The following IARS1 variants were observed in gnomAD, a reference collection of about 807,000 sequenced individuals.
IARS1 encodes the protein isoleucine--tRNA ligase, cytoplasmic.
A neutral mutation model predicts 168.2 loss-of-function variants in IARS1; 124 were observed. That is an observed-to-expected ratio of 0.74 (90% CI 0.64 to 0.86). IARS1 has a LOEUF of 0.86. IARS1 is among the 40% of genes least tolerant of loss of function. The pLI is 0.00. For missense variants in IARS1, 1,452 were observed against 1,515.8 expected (o/e 0.96, Z 0.70); for synonymous variants, 532 against 529.4 (o/e 1.00, Z -0.07).
intron 31 of IARS1, among the ~76,000 whole-genome samples, chr9:92,226,729 G>T (rs1308739115): frequency 6.6e-6 from 1 of 151,794 alleles, no homozygotes; most frequent in Admixed American, 6.6e-5. Context: ...GCTTGCAGCT[G>T]TGTGTAACTC....
Position 92,285,755 on chromosome 9 carries a change from T to C in IARS1, c.564A>G (p.Pro188=). The C allele has an allele frequency of 1.2e-6, 2 of 1,611,572 alleles. No individual in the cohort carries two copies. Among genetic ancestry groups the C allele is most frequent in the Non-Finnish European group, 1.7e-6 (2 of 1,177,710 alleles). ...VMPFSTACNT[P]LSNFESHQNY... ...TCTGGTGTGACTCGAAGTTGGAAAG[T>C]GGAGTGTTACATGCCGTAGAGAAGG... Residue 188 remains proline (P), a synonymous_variant, in exon 6 of 34, where the codon CCA becomes CCG. Transcript: ENST00000443024.
At chr9:92,244,833 C>T in intron 27 of IARS1, 126 bp downstream of exon 27, 4 of 676,384 alleles carry the variant, frequency 5.9e-6, no homozygotes, top group Middle Eastern at 4.0e-4. Context: ...CAATCTAAAC[C>T]AAGTAACTGG....
chr9:92,211,202 T>G (rs1837690481), intron 33 of IARS1, among the ~76,000 whole-genome samples: 1 of 152,144 alleles, frequency 6.6e-6, no homozygotes, highest in Non-Finnish European at 1.5e-5. Flanking sequence ...GTATATCAGT[T>G]GAGAAAGACA....
chr9:92,245,646 C>G (rs957872446), intron 26 of IARS1, among the ~76,000 whole-genome samples: 6 of 152,096 alleles, frequency 3.9e-5, no homozygotes, highest in African/African-American at 4.8e-5. Context: ...GCTCTGAGCA[C>G]CCGGGTGTCA....
At chr9:92,256,966 G>A (rs1419511880) in intron 19 of IARS1, among the ~76,000 whole-genome samples, 166 bp from the exon 20 acceptor site, 5 of 152,190 alleles carry the variant, frequency 3.3e-5, no homozygotes, top group East Asian at 1.9e-4. Flanking sequence ...AAGCACCAAC[G>A]TGGCACATTA....
chr9:92,277,318 G>A (rs1297726635), intron 9 of IARS1, among the ~76,000 whole-genome samples: 4 of 152,094 alleles, frequency 2.6e-5, no homozygotes, highest in South Asian at 2.1e-4. Context: ...CCAGCTGCTC[G>A]GGAGGCTGAG....
intron 20 of IARS1, chr9:92,253,809 T>C: frequency 2.0e-6 from 1 of 495,090 alleles, no homozygotes; most frequent in South Asian, 1.5e-5. Flanking sequence ...TTTGACAGCA[T>C]CAACAATGCC....
intron 31 of IARS1, among the ~76,000 whole-genome samples, chr9:92,228,679 A>T (rs1399553056): frequency 6.6e-6 from 1 of 152,164 alleles, no homozygotes; most frequent in East Asian, 1.9e-4. Context: ...GCATCACTGT[A>T]CTCCAGCATG....
intron 2 of IARS1, among the ~76,000 whole-genome samples, chr9:92,288,729 G>A (rs117400011): frequency 2.9e-3 from 437 of 152,208 alleles, no homozygotes; most frequent in Non-Finnish European, 3.9e-3. Context: ...AACGAGGGTG[G>A]TGATGAAAAT....
chr9:92,247,276 C>CAGGAA, intron 26 of IARS1, 101 bp downstream of exon 26: 2 of 1,059,998 alleles, frequency 1.9e-6, no homozygotes, highest in Admixed American at 2.2e-5. Context: ...CACGACAGGA[C>CAGGAA]AGGAAAGGAA....
At chr9:92,286,673 T>A in intron 4 of IARS1, 55 bp from the exon 5 acceptor site, 1 of 958,540 alleles carries the variant, frequency 1.0e-6, no homozygotes, top group Non-Finnish European at 1.6e-6. Flanking sequence ...TAATTGTACA[T>A]CAATGTGTGT....
At chr9:92,269,407 A>G (rs1487239096) in intron 13 of IARS1, among the ~76,000 whole-genome samples, 2 of 152,236 alleles carry the variant, frequency 1.3e-5, no homozygotes, top group African/African-American at 2.4e-5. Flanking sequence ...TGCAGGACAC[A>G]TATCAGCTAT....
chr9:92,280,762 T>C lies in IARS1; in HGVS notation c.729A>G (p.Gln243=), dbSNP rs1834429303. ...NLAVCVNPEM[Q]YVKIKDVARG... ...CCCACTTACCTTTAATTTTCACATA[T>C]TGCATTTCTGGATTAACACACACAG... Residue 243 remains glutamine, a synonymous_variant, in exon 7 of 34, where the codon CAA becomes CAG. Coordinates refer to ENST00000443024, the MANE Select transcript of IARS1 (RefSeq NM_002161.6). The C allele has an allele frequency of 6.2e-7, 1 of 1,609,224 alleles. No homozygotes were observed.
intron 33 of IARS1, among the ~76,000 whole-genome samples, chr9:92,211,336 C>T (rs150825227): frequency 1.3e-3 from 199 of 150,728 alleles, no homozygotes; most frequent in Admixed American, 4.6e-3. Flanking sequence ...GAAACATTAT[C>T]CATGACTCCA....
At chr9:92,281,751 C>T (rs1433058624) in intron 6 of IARS1, among the ~76,000 whole-genome samples, 1 of 151,746 alleles carries the variant, frequency 6.6e-6, no homozygotes, top group South Asian at 2.1e-4. Context: ...CAATCCCCAA[C>T]AAAAACCAAC....
rs756346470 is a variant in IARS1, at chr9:92,288,264, A to T, written c.138T>A (p.Gly46=). 6.2e-7 allele frequency: 1 copy of T among 1,614,032 alleles called. No individual in the cohort carries two copies. Among genetic ancestry groups the T allele is most frequent in the Non-Finnish European group, 8.5e-7 (1 of 1,179,950 alleles). Residue 46 remains glycine (G), a synonymous_variant, in exon 3 of 34, where the codon GGT becomes GGA. Transcript: ENST00000443024. ...KHKPKFTFYD[G]PPFATGLPHY... ...GAGGCAGTCCAGTTGCAAAAGGAGG[A>T]CCATCATAGAAGGTAAATCTAACAG...
intron 30 of IARS1, among the ~76,000 whole-genome samples, chr9:92,233,994 A>G (rs914200165): frequency 6.6e-6 from 1 of 152,096 alleles, no homozygotes; most frequent in Non-Finnish European, 1.5e-5. Context: ...CTCCCAGGCT[A>G]AAGTAATCCT....
At chr9:92,223,752 C>T (rs372182028) in intron 31 of IARS1, among the ~76,000 whole-genome samples, 59 of 152,226 alleles carry the variant, frequency 3.9e-4, no homozygotes, top group African/African-American at 1.4e-3. Context: ...TTAGTATTTT[C>T]TCTGTATAAT....
At chr9:92,256,854 G>A in intron 19 of IARS1, 54 bp from the exon 20 acceptor site, 1 of 1,542,954 alleles carries the variant, frequency 6.5e-7, no homozygotes. Context: ...AAGTTACTAT[G>A]AGGAAATAAA....
Sources: allele counts gnomAD v4.1 joint callset (sites outside exome capture counted in the v4.1 genomes callset), GRCh38; gene constraint gnomAD v4.1.1; transcripts MANE v1.5; gene names NCBI Gene and HGNC (gene_info 2026-07-23, HGNC 2026-07-21).